BRD4: variants seen among roughly 807,000 people sequenced by gnomAD.
The protein encoded by BRD4 is bromodomain containing 4.
In BRD4, 16 loss-of-function variants were observed where a neutral mutation model predicts 142.1. The observed-to-expected ratio is 0.11, with a 90% CI of 0.08 to 0.17. The LOEUF is 0.17. BRD4 is among the 10% of genes least tolerant of loss of function. BRD4 has a pLI of 1.00. For missense variants in BRD4, 1,424 were observed against 1,810.9 expected (o/e 0.79, Z 3.88); for synonymous variants, 833 against 707.5 (o/e 1.18, Z -2.82).
In BRD4 at chr19:15,264,591, G is replaced by C; in HGVS notation, c.1025C>G (p.Pro342Arg). 1 of 1,614,192 alleles carries C rather than the reference G, an allele frequency of 6.2e-7. No homozygotes were observed. The highest frequency in any genetic ancestry group is 8.5e-7 in the Non-Finnish European group (1 of 1,180,034). ...KKDVPDSQQH[P>R]APEKSSKVSE... Reference sequence around the variant, plus strand: ...GACCTTGCTGCTCTTCTCTGGTGCTGGGTGCTGCTGAGAGTCGGGCACGTC... The same window carrying C: ...GACCTTGCTGCTCTTCTCTGGTGCTCGGTGCTGCTGAGAGTCGGGCACGTC... The change falls in exon 6 of 20, where the codon CCA becomes CGA. Residue 342 changes from proline (P) to arginine (R), a missense_variant. Pro to Arg is a moderately radical substitution (Grantham distance 103, BLOSUM62 -2). Coordinates refer to ENST00000679869, the MANE Select transcript of BRD4 (RefSeq NM_001379291.1).
intron 1 of BRD4, among the ~76,000 whole-genome samples, chr19:15,309,338 C>CAAAAAAAAAAAAAAAAAACAAA: frequency 1.4e-5 from 1 of 72,938 alleles, no homozygotes. Flanking sequence ...ACTCCACCTC[C>CAAAAAAAAAAAAAAAAAACAAA]AAAAAAAAAA....
intron 2 of BRD4, 68 bp downstream of exon 2, chr19:15,272,747 C>T (rs1490085382): frequency 1.3e-6 from 2 of 1,487,128 alleles, no homozygotes; most frequent in East Asian, 2.4e-5. Flanking sequence ...CAGGAACTGC[C>T]CTGACCAGGA....
chr19:15,311,549 G>C (rs1025213862), intron 1 of BRD4, among the ~76,000 whole-genome samples: 3 of 152,062 alleles, frequency 2.0e-5, no homozygotes, highest in Admixed American at 6.6e-5. Context: ...CCAGTACTTT[G>C]GGAGGCAGAG....
chr19:15,276,671 T>G (rs2047650270), intron 1 of BRD4, among the ~76,000 whole-genome samples: 1 of 152,190 alleles, frequency 6.6e-6, no homozygotes. Context: ...ATTGTCATCC[T>G]GGGGCTTCCA....
intron 7 of BRD4, among the ~76,000 whole-genome samples, chr19:15,258,256 C>G (rs778046565): frequency 6.6e-6 from 1 of 152,220 alleles, no homozygotes; most frequent in Non-Finnish European, 1.5e-5. Context: ...GCTGCTGGAG[C>G]AGGCATCCCA....
chr19:15,323,863 A>G (rs552688168), intron 1 of BRD4, among the ~76,000 whole-genome samples: 1 of 152,030 alleles, frequency 6.6e-6, no homozygotes, highest in Non-Finnish European at 1.5e-5. Context: ...CAAAGCCAGC[A>G]CTCCTCGGCC....
At chr19:15,294,811 C>A (rs2047810262) in intron 1 of BRD4, among the ~76,000 whole-genome samples, 1 of 152,138 alleles carries the variant, frequency 6.6e-6, no homozygotes, top group Admixed American at 6.5e-5. Context: ...ACACAGACAG[C>A]CAGTGAGGGG....
At chr19:15,327,919 G>GGGC in intron 1 of BRD4, among the ~76,000 whole-genome samples, 1 of 11,622 alleles carries the variant, frequency 8.6e-5, no homozygotes, top group African/African-American at 1.0e-3. Context: ...GATTTCTTTT[G>GGGC]GGGGGGGGGG....
At chr19:15,248,095 GA>G in intron 11 of BRD4, 3 of 218,952 alleles carry the variant, frequency 1.4e-5, no homozygotes, top group Non-Finnish European at 2.8e-5. Context: ...TAAAAAAGGA[GA>G]AAAAATGAAA....
chr19:15,319,848 T>C (rs1383875235), intron 1 of BRD4, among the ~76,000 whole-genome samples: 1 of 151,310 alleles, frequency 6.6e-6, no homozygotes, highest in Non-Finnish European at 1.5e-5. Context: ...GGTGGGAGGA[T>C]TACCTGAGTT....
Position 15,294,279 on chromosome 19 carries a change from G to A in BRD4, c.-34-21146C>T, listed in dbSNP as rs138381999. 2.9e-3 allele frequency among the ~76,000 whole-genome samples: 440 copies of A among 152,378 alleles called. 1 individual carries two copies. The highest frequency in any genetic ancestry group is 0.027 in the Middle Eastern group (8 of 294). On this transcript the variant is annotated intron_variant, in intron 1 of 19. Transcript: ENST00000679869. ...AGCTGTAACTGATAAAGGTCTGGACGTGCAGTTCACAGCAGAGGAGAGAGA... is the reference window on the plus strand; with the variant it reads ...AGCTGTAACTGATAAAGGTCTGGACATGCAGTTCACAGCAGAGGAGAGAGA...
At chr19:15,331,307 G>C (rs2048155653) in intron 1 of BRD4, among the ~76,000 whole-genome samples, 1 of 152,204 alleles carries the variant, frequency 6.6e-6, no homozygotes, top group Non-Finnish European at 1.5e-5. Context: ...CCAAGCCTTG[G>C]GGGCATCTCA....
rs2047607844 is a variant in BRD4, at chr19:15,273,113, T to C, written c.-14A>G. ...CTCCGCAGACATGCTAGTGATCCCA[T>C]CACATTCTTCACCAGGCACTCTACA... is the stretch of plus-strand genomic sequence containing the variant. On this transcript the variant is annotated 5_prime_UTR_variant, in exon 2 of 20. The change abolishes an upstream ATG in the 5' untranslated region. Coordinates refer to ENST00000679869, the MANE Select transcript of BRD4 (RefSeq NM_001379291.1). The C allele has an allele frequency of 6.4e-7, 1 of 1,566,990 alleles. No homozygotes were observed. Among genetic ancestry groups the C allele is most frequent in the South Asian group, 1.2e-5 (1 of 83,008 alleles).
chr19:15,272,687 G>C lies in BRD4; in HGVS notation c.285+128C>G. 2.4e-6 allele frequency: 2 copies of C among 826,446 alleles called. 1 individual carries two copies. The highest frequency in any genetic ancestry group is 3.6e-5 in the South Asian group (2 of 56,208). 51.2% of individuals were successfully genotyped at this position (826,446 alleles called of 1,614,324 possible). ...AGAACTGCTGAAACCACTCACTCAA[G>C]GGCCCTGCAGCTCTCACCATGATTC... On this transcript the variant is annotated intron_variant, in intron 2 of 19. Transcript: ENST00000679869.
At position 15,255,588 on chromosome 19, in the gene BRD4, T is replaced by C. The variant is rs201628843; in HGVS notation, c.1756A>G (p.Lys586Glu). 2 of 1,602,254 alleles carry C rather than the reference T, an allele frequency of 1.2e-6. No individual in the cohort carries two copies. Among genetic ancestry groups the C allele is most frequent in the Non-Finnish European group, 1.7e-6 (2 of 1,171,058 alleles). ...NNSSNSNVSK[K>E]EPAPMKSKPP... ...TTGCTCTTCATGGGCGCTGGCTCCT[T>C]CTTGCTACGAAGGGACGATGCAGAC... is the stretch of plus-strand genomic sequence containing the variant. The change falls in exon 10 of 20, where the codon AAG (lysine) becomes GAG (glutamate). Residue 586 changes from lysine to glutamate, a missense_variant. Transcript: ENST00000679869.
At chr19:15,272,170 A>C (rs2047595183) in intron 2 of BRD4, among the ~76,000 whole-genome samples, 1 of 152,160 alleles carries the variant, frequency 6.6e-6, no homozygotes, top group Non-Finnish European at 1.5e-5. Flanking sequence ...GGCATATGGA[A>C]AACTCTCCAG....
chr19:15,259,993 C>T (rs1389341970), intron 7 of BRD4, among the ~76,000 whole-genome samples: 1 of 152,218 alleles, frequency 6.6e-6, no homozygotes, highest in Non-Finnish European at 1.5e-5. Context: ...CAGGCACCAG[C>T]ACCCGCCAGG....
At chr19:15,316,388 G>C (rs1017851862) in intron 1 of BRD4, among the ~76,000 whole-genome samples, 36 of 151,850 alleles carry the variant, frequency 2.4e-4, no homozygotes, top group African/African-American at 7.3e-4. Context: ...TCAGGAGTTC[G>C]AGACCAGCCT....
Position 15,235,702 on chromosome 19 carries a change from G to C in BRD4, c.*2675C>G, listed in dbSNP as rs995329728. On this transcript the variant is annotated 3_prime_UTR_variant, in exon 20 of 20. Transcript: ENST00000679869. Reference sequence around the variant, plus strand: ...AAGCGATCCGTGCATACAGTACAGTGGGGGCTTGTACACACCTCTTACTCT... The same window carrying C: ...AAGCGATCCGTGCATACAGTACAGTCGGGGCTTGTACACACCTCTTACTCT... 1.3e-5 allele frequency: 2 copies of C among 152,176 alleles called. No individual in the cohort carries two copies. Among genetic ancestry groups the C allele is most frequent in the African/African-American group, 4.8e-5 (2 of 41,450 alleles). 9.4% of individuals were successfully genotyped at this position (152,176 alleles called of 1,614,324 possible).
Sources: allele counts gnomAD v4.1 joint callset (sites outside exome capture counted in the v4.1 genomes callset), GRCh38; gene constraint gnomAD v4.1.1; transcripts MANE v1.5; gene names NCBI Gene and HGNC (gene_info 2026-07-23, HGNC 2026-07-21).